The following SOX13 variants were observed in gnomAD, a reference collection of about 807,000 sequenced individuals.
The protein encoded by SOX13 is SRY-box transcription factor 13, also known as transcription factor SOX-13.
In SOX13, 28 loss-of-function variants were observed where a neutral mutation model predicts 71.8. The ratio of observed to expected loss-of-function variants is 0.39; its 90% CI spans 0.29 to 0.53. The LOEUF is 0.53. Ranked by LOEUF, SOX13 falls within the 20% of genes least tolerant of loss-of-function variation. The pLI is 0.70. For synonymous variants in SOX13, 309 were observed against 317.8 expected (o/e 0.97, Z 0.29); for missense variants, 627 against 810.3 (o/e 0.77, Z 2.75).
chr1:204,112,501 G>GCACACACACA (rs6143576), intron 1 of SOX13, among the ~76,000 whole-genome samples: 1 of 57,888 alleles, frequency 1.7e-5, no homozygotes, highest in African/African-American at 4.0e-5. Context: ...ACACATGCGT[G>GCACACACACA]CACACACACA....
chr1:204,089,820 T>G (rs1656105007), intron 1 of SOX13, among the ~76,000 whole-genome samples: 1 of 152,210 alleles, frequency 6.6e-6, no homozygotes, highest in Non-Finnish European at 1.5e-5. Context: ...GTGCGTCCCT[T>G]ATCTCTATCC....
At position 204,127,406 on chromosome 1, in the gene SOX13, CT is replaced by C. The variant is rs1450669670; in HGVS notation, c.*1273del. 1 of 143,894 alleles carries C rather than the reference CT, an allele frequency of 6.9e-6. No individual in the cohort carries two copies. Among genetic ancestry groups the C allele is most frequent in the Non-Finnish European group, 1.5e-5 (1 of 65,906 alleles). The allele number at this position is 143,894 out of a possible 1,614,324, so 8.9% of individuals were successfully genotyped here. A position where few individuals can be genotyped will look rare whatever the true frequency, so the allele number is the denominator to read the frequency against. ...CCCCACTCTATACTAGGGACTGGAT[CT>C]CAGCCTCTGATCAGTTTCACAAAGT... On this transcript the variant is annotated 3_prime_UTR_variant, in exon 14 of 14. Coordinates refer to ENST00000367204, the MANE Select transcript of SOX13 (RefSeq NM_005686.3).
chr1:204,082,130 GAT>G (rs1257478366), intron 1 of SOX13, among the ~76,000 whole-genome samples: 3 of 151,686 alleles, frequency 2.0e-5, no homozygotes, highest in African/African-American at 7.3e-5. Flanking sequence ...ATGTGAGTGT[GAT>G]GTGTGTGTGG....
At position 204,095,833 on chromosome 1, in the gene SOX13, C is replaced by T. The variant is rs116682815; in HGVS notation, c.-1-17082C>T. Among the ~76,000 whole-genome samples, 635 of 152,280 alleles carry T rather than the reference C, an allele frequency of 4.2e-3. 6 individuals carry two copies. Among genetic ancestry groups the T allele is most frequent in the African/African-American group, 0.015 (623 of 41,544 alleles). On this transcript the variant is annotated intron_variant, in intron 1 of 13. Coordinates refer to ENST00000367204, the MANE Select transcript of SOX13 (RefSeq NM_005686.3). ...CATTAAGCAATAGCGTCCCCTTCCT[C>T]TCTCACTCCAGCCCTGTAACTCTAT...
chr1:204,075,376 A>C (rs1655766026), intron 1 of SOX13, among the ~76,000 whole-genome samples: 1 of 152,224 alleles, frequency 6.6e-6, no homozygotes, highest in South Asian at 2.1e-4. Context: ...GCCTCGGCGC[A>C]GTTGCGAGTC....
chr1:204,086,667 T>G (rs1283512318), intron 1 of SOX13, among the ~76,000 whole-genome samples: 1 of 152,134 alleles, frequency 6.6e-6, no homozygotes, highest in African/African-American at 2.4e-5. Flanking sequence ...AGTCAGAAAG[T>G]TTGGAAGTTT....
intron 1 of SOX13, among the ~76,000 whole-genome samples, chr1:204,094,429 T>C (rs1656207375): frequency 6.6e-6 from 1 of 152,210 alleles, no homozygotes; most frequent in Non-Finnish European, 1.5e-5. Context: ...AAATTCTTCC[T>C]AAGCAACAGA....
At chr1:204,097,096 C>T (rs1295744292) in intron 1 of SOX13, among the ~76,000 whole-genome samples, 1 of 152,182 alleles carries the variant, frequency 6.6e-6, no homozygotes, top group Non-Finnish European at 1.5e-5. Context: ...GGGGCGAGGT[C>T]CACTGACTGT....
chr1:204,084,623 G>C (rs114134030), intron 1 of SOX13, among the ~76,000 whole-genome samples: 1 of 152,072 alleles, frequency 6.6e-6, no homozygotes, highest in Admixed American at 6.6e-5. Flanking sequence ...GGCAGGAGGC[G>C]AGAACAGGTG....
At position 204,116,235 on chromosome 1, in the gene SOX13, T is replaced by TG. The variant is rs1198814917; in HGVS notation, c.419-268dup. The TG allele has an allele frequency of 2.1e-6, 3 of 1,416,056 alleles. No homozygotes were observed. The African/African-American group carries it at 4.3e-5, about 20-fold the overall frequency. The allele number at this position is 1,416,056 out of a possible 1,614,324, so 87.7% of individuals were successfully genotyped here. On this transcript the variant is annotated intron_variant, in intron 4 of 13. Coordinates refer to ENST00000367204, the MANE Select transcript of SOX13 (RefSeq NM_005686.3). Reference sequence around the variant, plus strand: ...AGGACATTGAAGAGGCCTGGGGCTCTGGGGCTGACATGTCCCACTGTCAGC... The same window carrying TG: ...AGGACATTGAAGAGGCCTGGGGCTCTGGGGGCTGACATGTCCCACTGTCAGC...
intron 1 of SOX13, among the ~76,000 whole-genome samples, chr1:204,101,503 T>TAAAAAA (rs1656359698): frequency 9.7e-5 from 1 of 10,344 alleles, no homozygotes; most frequent in Non-Finnish European, 1.6e-4. Flanking sequence ...CCCTCTTTAT[T>TAAAAAA]TAAAAAAAAA....
At chr1:204,078,421 C>A (rs1005128023) in intron 1 of SOX13, among the ~76,000 whole-genome samples, 1 of 152,194 alleles carries the variant, frequency 6.6e-6, no homozygotes, top group African/African-American at 2.4e-5. Context: ...CTCCTGAGCC[C>A]CCTCCCCCAG....
At position 204,114,488 on chromosome 1, in the gene SOX13, G is replaced by A. The variant is rs371978658; in HGVS notation, c.332-31G>A. ...GCCTGAGGCAGGGAGGTGTTAAGAC[G>A]GTTATTCCTCACCCCTTTGCTGTCT... On this transcript the variant is annotated intron_variant, in intron 3 of 13. Coordinates refer to ENST00000367204, the MANE Select transcript of SOX13 (RefSeq NM_005686.3). 52 of 1,607,292 alleles carry A rather than the reference G, an allele frequency of 3.2e-5. No homozygotes were observed. The Middle Eastern group carries it at 8.2e-4, about 25-fold the overall frequency.
chr1:204,108,254 T>G (rs1656510926), intron 1 of SOX13, among the ~76,000 whole-genome samples: 1 of 152,246 alleles, frequency 6.6e-6, no homozygotes, highest in African/African-American at 2.4e-5. Flanking sequence ...CCATTACTAA[T>G]GAGCTATTTT....
intron 1 of SOX13, among the ~76,000 whole-genome samples, chr1:204,088,646 G>T (rs1254325333): frequency 2.0e-5 from 3 of 152,152 alleles, no homozygotes; most frequent in African/African-American, 7.2e-5. Flanking sequence ...AACAGAGTCA[G>T]TGTGGGGTAG....
At chr1:204,080,744 G>A (rs1447267879) in intron 1 of SOX13, among the ~76,000 whole-genome samples, 1 of 152,080 alleles carries the variant, frequency 6.6e-6, no homozygotes, top group African/African-American at 2.4e-5. Context: ...TGCTGAGTTG[G>A]TGCAGAGGCA....
chr1:204,120,982 CTTT>C (rs11454769), intron 7 of SOX13, among the ~76,000 whole-genome samples: 3 of 140,550 alleles, frequency 2.1e-5, no homozygotes, highest in Admixed American at 7.1e-5. Flanking sequence ...ATTTTAAATT[CTTT>C]TTTTTTTTTT....
chr1:204,081,783 C>A lies in SOX13; in HGVS notation c.-2+8072C>A, dbSNP rs988053576. Among the ~76,000 whole-genome samples, 1 of 152,162 alleles carries A rather than the reference C, an allele frequency of 6.6e-6. No homozygotes were observed. The highest frequency in any genetic ancestry group is 2.4e-5 in the African/African-American group (1 of 41,438). On this transcript the variant is annotated intron_variant, in intron 1 of 13. Transcript: ENST00000367204. This position sits in a 1 kb window ranked among gnomAD's most constrained non-coding sequence, Gnocchi z 4.3. The stretch of plus-strand genomic sequence containing the variant: ...CACCCTCATGCGAACAACCTCTCCC[C>A]ACCCTCCAGCCCTACTGAAGGAGTC...
At chr1:204,115,528 C>T (rs1015226701) in intron 4 of SOX13, among the ~76,000 whole-genome samples, 9 of 137,124 alleles carry the variant, frequency 6.6e-5, no homozygotes, top group Non-Finnish European at 1.4e-4. Flanking sequence ...TATGGCCAGG[C>T]ACTCAGGAAT....
Sources: gnomAD v4.1 joint callset for allele counts (sites outside exome capture counted in the v4.1 genomes callset) on GRCh38, gnomAD v4.1.1 for gene constraint, Gnocchi (gnomAD v3.1) non-coding constraint, MANE v1.5 for transcripts, NCBI Gene and HGNC (gene_info 2026-07-23, HGNC 2026-07-21) for gene names.